Variants in DLG2 observed in about 807,000 individuals in gnomAD.
The protein encoded by DLG2 is discs large MAGUK scaffold protein 2.
In DLG2, 45 loss-of-function variants were observed where a neutral mutation model predicts 132.5. The ratio of observed to expected loss-of-function variants is 0.34; its 90% confidence interval spans 0.27 to 0.44. The LOEUF (loss-of-function observed/expected upper bound fraction) is 0.44. Ranked by LOEUF, DLG2 falls within the 20% of genes least tolerant of loss-of-function variation. The probability of loss-of-function intolerance (pLI) is 1.00; values close to 1 mark genes in which losing one functional copy is unlikely to be tolerated. For synonymous variants in DLG2, 424 were observed against 419.6 expected (o/e 1.01, Z -0.13); for missense variants, 1,045 against 1,196.9 (o/e 0.87, Z 1.87).
chr11:84,603,532 G>C (rs1417777181), intron 6 of DLG2, among the ~76,000 whole-genome samples: 1 of 151,742 alleles, frequency 6.6e-6, no homozygotes, highest in Non-Finnish European at 1.5e-5. Flanking sequence ...GGATAACTGT[G>C]GAAGAAAAAA....
intron 6 of DLG2, among the ~76,000 whole-genome samples, chr11:84,737,997 A>G (rs992934386): frequency 6.6e-6 from 1 of 152,084 alleles, no homozygotes. Flanking sequence ...TTTTGCTTGC[A>G]TTGTAAATTT....
chr11:83,910,895 A>C (rs148316294), intron 15 of DLG2, among the ~76,000 whole-genome samples: 8 of 152,246 alleles, frequency 5.3e-5, no homozygotes, highest in African/African-American at 1.9e-4. Flanking sequence ...TGGGGATACC[A>C]ACAAATTGAT....
rs1491051538 is a variant in DLG2, at chr11:83,842,832, AAG to A, written c.1566-9064_1566-9063del. Among the ~76,000 whole-genome samples, 169 of 147,420 alleles carry A rather than the reference AAG, an allele frequency of 1.1e-3. 2 individuals are homozygous for A. Among genetic ancestry groups the A allele is most frequent in the Middle Eastern group, 7.0e-3 (2 of 284 alleles). The stretch of plus-strand genomic sequence containing the variant: ...CTCTGTCTCCAAAAAAAAAAAAAAA[AAG>A]AAGGAAAATTACTACTTACACTGAA... On this transcript the variant is annotated intron_variant, in intron 16 of 27. Transcript: ENST00000376104.
intron 18 of DLG2, among the ~76,000 whole-genome samples, chr11:83,644,594 G>C (rs532858095): frequency 6.6e-6 from 1 of 152,004 alleles, no homozygotes; most frequent in Non-Finnish European, 1.5e-5. Context: ...GTGTTATGCA[G>C]CCAGAAAAAT....
chr11:83,786,078 G>A (rs1016519480), intron 18 of DLG2, among the ~76,000 whole-genome samples: 15 of 152,052 alleles, frequency 9.9e-5, no homozygotes, highest in African/African-American at 3.6e-4. Flanking sequence ...TTTTAAACAC[G>A]GAAACAGATG....
chr11:83,611,930 G>C (rs1293687012), intron 19 of DLG2, among the ~76,000 whole-genome samples: 2 of 152,188 alleles, frequency 1.3e-5, no homozygotes, highest in African/African-American at 4.8e-5. Flanking sequence ...GCAACTGTTT[G>C]AGCGGGAGGG....
intron 18 of DLG2, among the ~76,000 whole-genome samples, chr11:83,708,507 A>G (rs1194703832): frequency 6.6e-6 from 1 of 152,244 alleles, no homozygotes; most frequent in Non-Finnish European, 1.5e-5. Flanking sequence ...AAACAAGGCC[A>G]GAAATTTGGT....
intron 18 of DLG2, among the ~76,000 whole-genome samples, chr11:83,739,530 G>T (rs893599410): frequency 6.6e-6 from 1 of 151,984 alleles, no homozygotes; most frequent in African/African-American, 2.4e-5. Context: ...AAAAATGACC[G>T]AGAGATTTGA....
chr11:85,088,387 T>C (rs1171008298), intron 6 of DLG2, among the ~76,000 whole-genome samples: 2 of 152,232 alleles, frequency 1.3e-5, no homozygotes, highest in African/African-American at 4.8e-5. Context: ...TTATAAATGC[T>C]AAATCCTACT....
intron 15 of DLG2, among the ~76,000 whole-genome samples, chr11:83,896,907 G>C (rs1385438216): frequency 6.6e-6 from 1 of 152,000 alleles, no homozygotes; most frequent in Non-Finnish European, 1.5e-5. Context: ...TGAAACTACA[G>C]TACAAGATTT....
intron 7 of DLG2, among the ~76,000 whole-genome samples, chr11:84,319,318 C>T (rs768147279): frequency 1.3e-5 from 2 of 152,138 alleles, no homozygotes; most frequent in Non-Finnish European, 2.9e-5. Flanking sequence ...AACCATGATG[C>T]ATGGCTGTAC....
intron 6 of DLG2, among the ~76,000 whole-genome samples, chr11:84,691,116 C>G (rs2057982707): frequency 6.6e-6 from 1 of 151,832 alleles, no homozygotes. Context: ...TTGGGTCCAG[C>G]TCAAATGCCA....
chr11:85,069,374 A>C (rs970083158), intron 6 of DLG2, among the ~76,000 whole-genome samples: 18 of 152,156 alleles, frequency 1.2e-4, no homozygotes, highest in Non-Finnish European at 2.5e-4. Flanking sequence ...CAACCTACAG[A>C]ATGGGAGAAA....
chr11:84,721,500 TTTG>T (rs1325940145), intron 6 of DLG2, among the ~76,000 whole-genome samples: 2 of 151,748 alleles, frequency 1.3e-5, no homozygotes, highest in African/African-American at 4.9e-5. Flanking sequence ...TTATTGTTTG[TTTG>T]TTTTTTTGTT....
chr11:84,904,287 G>A (rs537634294), intron 6 of DLG2, among the ~76,000 whole-genome samples: 59 of 152,152 alleles, frequency 3.9e-4, no homozygotes, highest in Non-Finnish European at 7.1e-4. Context: ...TTTTCTTCAA[G>A]ATCACATTTT....
intron 15 of DLG2, among the ~76,000 whole-genome samples, chr11:83,929,727 G>C (rs949446938): frequency 1.3e-5 from 2 of 152,022 alleles, no homozygotes; most frequent in Non-Finnish European, 2.9e-5. Flanking sequence ...TTAAATAAGA[G>C]AATATATATA....
chr11:84,282,158 C>A (rs1374759992), intron 7 of DLG2, among the ~76,000 whole-genome samples: 1 of 151,988 alleles, frequency 6.6e-6, no homozygotes, highest in Non-Finnish European at 1.5e-5. Context: ...TTGCATGCAA[C>A]AGAATAGTGT....
rs1240132820 is a variant in DLG2 at position 84,836,069 on chromosome 11, T to A, written c.357+275592A>T. ...ACCTCTCAGTGTTTGCTTCACTGACTTACCCTGAGGCAGTTACTCAGTGTC... is the reference window on the plus strand; with the variant it reads ...ACCTCTCAGTGTTTGCTTCACTGACATACCCTGAGGCAGTTACTCAGTGTC... On this transcript the variant is annotated intron_variant, in intron 6 of 27. Coordinates refer to ENST00000376104, the MANE Select transcript of DLG2 (RefSeq NM_001142699.3). Among the ~76,000 whole-genome samples, 3 of 151,900 alleles carry A rather than the reference T, an allele frequency of 2.0e-5. No homozygotes were observed. The East Asian group carries it at 5.9e-4, about 30-fold the overall frequency.
At chr11:84,035,110 G>T (rs981357033) in intron 11 of DLG2, among the ~76,000 whole-genome samples, 3 of 152,000 alleles carry the variant, frequency 2.0e-5, no homozygotes, top group Admixed American at 2.0e-4. Flanking sequence ...GTCAGGTACT[G>T]TTCATTTTTT....
Sources: gnomAD v4.1 joint callset for allele counts (sites outside exome capture counted in the v4.1 genomes callset) on GRCh38, gnomAD v4.1.1 for gene constraint, MANE v1.5 for transcripts, NCBI Gene and HGNC (gene_info 2026-07-23, HGNC 2026-07-21) for gene names.